ADSL: variants seen among roughly 807,000 people sequenced by gnomAD.
ADSL encodes adenylosuccinase.
ADSL carries 44 observed loss-of-function variants against 62.1 expected under a neutral mutation model. That is an observed-to-expected ratio of 0.71 (90% CI 0.56 to 0.91). The LOEUF is 0.91. Ranked by LOEUF, ADSL falls within the 40% of genes least tolerant of loss-of-function variation. ADSL has a pLI of 0.00. For missense variants in ADSL, 531 were observed against 627.4 expected (o/e 0.85, Z 1.64); for synonymous variants, 198 against 220.5 (o/e 0.90, Z 0.90).
At chr22:40,376,897 G>A (rs1438514918) in intron 2 of ADSL, among the ~76,000 whole-genome samples, 1 of 152,098 alleles carries the variant, frequency 6.6e-6, no homozygotes, top group Non-Finnish European at 1.5e-5. Flanking sequence ...AGTTAGCTTC[G>A]AGTTTACAAA....
At chr22:40,354,452 G>A in intron 4 of ADSL, 125 bp downstream of exon 4, 2 of 826,756 alleles carry the variant, frequency 2.4e-6, no homozygotes, top group African/African-American at 1.7e-5. Context: ...AAGTAATTTG[G>A]GATGCTTATA....
chr22:40,358,852 T>C lies in ADSL; in HGVS notation c.483-12T>C. ...GGTCTGAGACTTTCGTGTGTTCTCT[T>C]TGGGTTTTCAGGCCTGCACAGCTGA... On this transcript the variant is annotated splice_polypyrimidine_tract_variant and intron_variant, in intron 4 of 12. Transcript: ENST00000623063. 6.2e-7 allele frequency: 1 copy of C among 1,614,116 alleles called. No individual in the cohort carries two copies. The highest frequency in any genetic ancestry group is 1.1e-5 in the South Asian group (1 of 91,068).
chr22:40,369,443 CAT>C (rs1438553956), downstream of ADSL: 1 of 147,468 alleles, frequency 6.8e-6, no homozygotes, highest in African/African-American at 2.5e-5. Context: ...AATATACATT[CAT>C]ATATATTATA....
chr22:40,376,744 T>C (rs1412905623), intron 2 of ADSL, among the ~76,000 whole-genome samples: 2 of 152,178 alleles, frequency 1.3e-5, no homozygotes, highest in Non-Finnish European at 2.9e-5. Context: ...AGTCTGACTC[T>C]AGAGTTTATG....
chr22:40,375,076 T>A (rs1895022199), intron 2 of ADSL, among the ~76,000 whole-genome samples: 2 of 152,230 alleles, frequency 1.3e-5, no homozygotes, highest in South Asian at 2.1e-4. Flanking sequence ...GAGAGATACA[T>A]TCACCTCTTT....
chr22:40,360,858 C>T (rs1169555298), intron 7 of ADSL, among the ~76,000 whole-genome samples: 1 of 151,864 alleles, frequency 6.6e-6, no homozygotes, highest in Non-Finnish European at 1.5e-5. Flanking sequence ...TACAGGCATG[C>T]ACCACAATGT....
chr22:40,361,285 A>G lies in ADSL; in HGVS notation c.805A>G (p.Ile269Val), dbSNP rs759104126. ...GASVHKICTDIRLLANLKEME... is the reference protein window; with the variant it reads ...GASVHKICTDVRLLANLKEME... ...CTACCTCCCCCAGATTTGCACCGAC[A>G]TACGCCTCCTGGCAAACCTCAAGGA... is the stretch of plus-strand genomic sequence containing the variant. Residue 269 changes from isoleucine (I) to valine (V), a missense_variant, in exon 8 of 13, where the codon ATA (isoleucine) becomes GTA (valine). Physicochemically the swap from Ile to Val is conservative, Grantham distance 29. Transcript: ENST00000623063. 2.5e-6 allele frequency: 4 copies of G among 1,614,046 alleles called. No individual in the cohort carries two copies. The highest frequency in any genetic ancestry group is 3.4e-6 in the Non-Finnish European group (4 of 1,180,028).
rs2045026392 is a variant in ADSL at position 40,366,980 on chromosome 22, A to AC, written c.*458_*459insC. The AC allele has an allele frequency of 1.1e-5, 1 of 92,224 alleles. No homozygotes were observed. Among genetic ancestry groups the AC allele is most frequent in the East Asian group, 3.3e-4 (1 of 3,036 alleles). The allele number at this position is 92,224 out of a possible 1,614,324, so 5.7% of individuals were successfully genotyped here. A position where few individuals can be genotyped will look rare whatever the true frequency, so the allele number is the denominator to read the frequency against. ...AAGTTTGGAACTACAGTAAATACTT[A>AC]AAAAAAAAAAAAAAAAGAACCAAAC... On this transcript the variant is annotated 3_prime_UTR_variant, in exon 13 of 13. Transcript: ENST00000623063.
In ADSL at chr22:40,346,606, T is replaced by C; in HGVS notation, c.48T>C (p.Pro16=). The part of the protein sequence containing the change: ...DHGSPDSYRS[P]LASRYASPEM... ...GTTCGCCCGACAGCTACCGCTCACC[T>C]CTTGCCTCCCGCTATGCCAGCCCGG... Residue 16 remains proline, a synonymous_variant, in exon 1 of 13, where the codon CCT becomes CCC. Coordinates refer to ENST00000623063, the MANE Select transcript of ADSL (RefSeq NM_000026.4). 6.2e-7 allele frequency: 1 copy of C among 1,609,076 alleles called. No individual in the cohort carries two copies. The highest frequency in any genetic ancestry group is 8.5e-7 in the Non-Finnish European group (1 of 1,178,082).
chr22:40,361,204 A>G, intron 7 of ADSL, 69 bp from the exon 8 acceptor site: 1 of 1,437,966 alleles, frequency 7.0e-7, no homozygotes, highest in Non-Finnish European at 9.8e-7. Context: ...TCATCAGCCT[A>G]GTCACAGCTC....
intron 2 of ADSL, among the ~76,000 whole-genome samples, chr22:40,379,832 C>T (rs2047267050): frequency 6.6e-6 from 1 of 152,136 alleles, no homozygotes; most frequent in East Asian, 1.9e-4. Flanking sequence ...CCTCAGCTTC[C>T]TGAGTAATCT....
intron 9 of ADSL, among the ~76,000 whole-genome samples, chr22:40,362,501 A>C (rs1013241337): frequency 7.2e-5 from 11 of 152,208 alleles, no homozygotes; most frequent in African/African-American, 2.7e-4. Flanking sequence ...GTTAGGGGCT[A>C]CTTTAAAAGT....
chr22:40,353,492 C>T (rs1406063078), intron 3 of ADSL: 6 of 685,824 alleles, frequency 8.7e-6, no homozygotes, highest in Non-Finnish European at 8.0e-6. Context: ...CCATGTTGCC[C>T]AGGCTGGTCT....
At chr22:40,374,614 G>A (rs1050946618) in intron 2 of ADSL, among the ~76,000 whole-genome samples, 4 of 152,214 alleles carry the variant, frequency 2.6e-5, no homozygotes, top group South Asian at 2.1e-4. Flanking sequence ...CCAGTACGGC[G>A]GCTCACGCCT....
intron 2 of ADSL, among the ~76,000 whole-genome samples, chr22:40,386,899 C>T (rs1041162362): frequency 2.0e-5 from 3 of 152,020 alleles, no homozygotes; most frequent in Non-Finnish European, 2.9e-5. Flanking sequence ...AGAATTCTCT[C>T]CTAATTTATC....
intron 3 of ADSL, chr22:40,353,321 T>C (rs1389960632): frequency 9.9e-6 from 7 of 704,654 alleles, no homozygotes; most frequent in Non-Finnish European, 1.8e-5. Context: ...TTTCTTCTTC[T>C]TCTTGAGCCA....
chr22:40,372,563 A>C (rs538837408), downstream of ADSL: 3 of 152,238 alleles, frequency 2.0e-5, no homozygotes, highest in African/African-American at 7.2e-5. Context: ...AATTGCTTCA[A>C]TATAAAAACG....
chr22:40,380,737 A>T (rs1411552098), intron 2 of ADSL, among the ~76,000 whole-genome samples: 1 of 152,058 alleles, frequency 6.6e-6, no homozygotes, highest in Non-Finnish European at 1.5e-5. Context: ...GGAATTTAAG[A>T]CCAGCCTGGG....
At position 40,349,470 on chromosome 22, in the gene ADSL, G is replaced by T. The variant is rs113102800; in HGVS notation, c.154-362G>T. Among the ~76,000 whole-genome samples the T allele has an allele frequency of 1.7e-3, 253 of 151,758 alleles. 1 individual carries two copies. Among genetic ancestry groups the T allele is most frequent in the African/African-American group, 5.9e-3 (245 of 41,368 alleles). On this transcript the variant is annotated intron_variant, in intron 1 of 12. Coordinates refer to ENST00000623063, the MANE Select transcript of ADSL (RefSeq NM_000026.4). ...GCTCACTGCAAGCTCTGCCTCCTGG[G>T]TTCAAGCGATTCTCCAACCTCAGCC...
Sources: gnomAD v4.1 joint callset for allele counts (sites outside exome capture counted in the v4.1 genomes callset) on GRCh38, gnomAD v4.1.1 for gene constraint, MANE v1.5 for transcripts, NCBI Gene and HGNC (gene_info 2026-07-23, HGNC 2026-07-21) for gene names.